Variants in GRID2 observed in about 807,000 individuals in gnomAD.
The protein encoded by GRID2 is glutamate receptor ionotropic, delta-2.
Under a neutral mutation model 114.8 loss-of-function variants are expected in GRID2, and 33 were observed. The ratio of observed to expected loss-of-function variants is 0.29; its 90% confidence interval spans 0.22 to 0.38. The LOEUF is 0.38. Among genes scored for constraint, GRID2 ranks in the 10% least tolerant of loss-of-function variants. GRID2 has a pLI of 1.00. For synonymous variants in GRID2, 505 were observed against 449.9 expected, an observed-to-expected ratio of 1.12 and a Z score of -1.55; for missense variants, 1,184 against 1,257.7, an observed-to-expected ratio of 0.94 and a Z score of 0.89.
chr4:93,009,593 A>T (rs898401194), intron 2 of GRID2, among the ~76,000 whole-genome samples: 2 of 151,994 alleles, frequency 1.3e-5, no homozygotes, highest in African/African-American at 4.8e-5. Context: ...TAAATCTCCT[A>T]TTTATTCTAA....
intron 2 of GRID2, among the ~76,000 whole-genome samples, chr4:92,609,681 A>G (rs1369230441): frequency 6.6e-6 from 1 of 151,186 alleles, no homozygotes; most frequent in Non-Finnish European, 1.5e-5. Flanking sequence ...TCGTGACCAC[A>G]TTAGTACCTT....
chr4:93,587,987 C>T (rs1445854254), intron 13 of GRID2, among the ~76,000 whole-genome samples: 6 of 152,166 alleles, frequency 3.9e-5, no homozygotes, highest in African/African-American at 1.4e-4. Context: ...GATAATAATC[C>T]TATATTAACC....
intron 2 of GRID2, among the ~76,000 whole-genome samples, chr4:92,903,947 G>A (rs934269983): frequency 1.3e-5 from 2 of 151,840 alleles, no homozygotes; most frequent in African/African-American, 4.8e-5. Context: ...GCTTATGACC[G>A]TTTATCTAAA....
intron 2 of GRID2, among the ~76,000 whole-genome samples, chr4:92,910,860 T>A (rs1319472366): frequency 1.3e-5 from 2 of 152,098 alleles, no homozygotes; most frequent in African/African-American, 2.4e-5. Flanking sequence ...ATTTAGGGAA[T>A]AATGACAAGA....
rs184763971 is a variant in GRID2, at chr4:93,309,151, G to A, written c.1245+70661G>A. Among the ~76,000 whole-genome samples the A allele has an allele frequency of 2.2e-3, 335 of 152,214 alleles. 3 individuals are homozygous for A. The highest frequency in any genetic ancestry group is 7.5e-3 in the African/African-American group (310 of 41,530). On this transcript the variant is annotated intron_variant, in intron 8 of 15. Transcript: ENST00000282020. The stretch of plus-strand genomic sequence containing the variant: ...ACATCAGACTGCAAGCTCCTTGAAG[G>A]CAAATATGTATTCCTTTAGGTTCAC...
intron 2 of GRID2, among the ~76,000 whole-genome samples, chr4:92,713,560 G>A (rs750676764): frequency 5.5e-4 from 75 of 135,318 alleles, no homozygotes; most frequent in Non-Finnish European, 1.0e-3. Context: ...TGCTGGATTA[G>A]TCTGTTTTCA....
At chr4:92,676,648 C>A (rs550256207) in intron 2 of GRID2, among the ~76,000 whole-genome samples, 4 of 151,946 alleles carry the variant, frequency 2.6e-5, no homozygotes, top group African/African-American at 9.7e-5. Context: ...TCCCCATATT[C>A]CCTACATATT....
intron 13 of GRID2, among the ~76,000 whole-genome samples, chr4:93,547,550 C>CT (rs1553951369): frequency 1.3e-5 from 2 of 152,104 alleles, no homozygotes; most frequent in Non-Finnish European, 2.9e-5. Flanking sequence ...ATAATTTACC[C>CT]TTTTTTGTGT....
At chr4:92,974,649 A>T (rs1331390970) in intron 2 of GRID2, among the ~76,000 whole-genome samples, 1 of 151,846 alleles carries the variant, frequency 6.6e-6, no homozygotes, top group Non-Finnish European at 1.5e-5. Context: ...ACACATGGAC[A>T]CAGGAAGGGA....
rs1052060920 is a variant in GRID2 at position 93,438,806 on chromosome 4, A to G, written c.1545+15838A>G. On this transcript the variant is annotated intron_variant, in intron 10 of 15. Coordinates refer to ENST00000282020, the MANE Select transcript of GRID2 (RefSeq NM_001510.4). ...ATTAACTTGTCATTTAGCATTAGGTATATCTCCTAATGCTATCCCTCCCCC... is the reference window on the plus strand; with the variant it reads ...ATTAACTTGTCATTTAGCATTAGGTGTATCTCCTAATGCTATCCCTCCCCC... Among the ~76,000 whole-genome samples, 29 of 151,960 alleles carry G rather than the reference A, an allele frequency of 1.9e-4. 1 individual carries two copies. The highest frequency in any genetic ancestry group is 5.2e-4 in the Admixed American group (8 of 15,258).
At chr4:93,338,791 G>A (rs1253699647) in intron 8 of GRID2, among the ~76,000 whole-genome samples, 3 of 152,032 alleles carry the variant, frequency 2.0e-5, no homozygotes, top group Non-Finnish European at 2.9e-5. Flanking sequence ...GCTCATTTAT[G>A]TTATTTTTTC....
At chr4:93,239,162 GAT>G in intron 8 of GRID2, among the ~76,000 whole-genome samples, 1 of 88,586 alleles carries the variant, frequency 1.1e-5, no homozygotes, top group Non-Finnish European at 2.3e-5. Flanking sequence ...TATAGCATTT[GAT>G]ATATATAATA....
intron 13 of GRID2, among the ~76,000 whole-genome samples, chr4:93,552,888 G>T (rs1733923812): frequency 6.7e-6 from 1 of 148,620 alleles, no homozygotes; most frequent in Non-Finnish European, 1.5e-5. Context: ...ATGGTGTTTG[G>T]TTTTCTGTCC....
chr4:92,369,846 T>TA (rs1357417247), intron 1 of GRID2, among the ~76,000 whole-genome samples: 1 of 152,182 alleles, frequency 6.6e-6, no homozygotes, highest in African/African-American at 2.4e-5. Context: ...ATTTACCAGT[T>TA]AAAAAACCTC....
chr4:93,042,637 ATATATTTCTATCTC>A (rs1390849739), intron 2 of GRID2, among the ~76,000 whole-genome samples: 10 of 144,790 alleles, frequency 6.9e-5, no homozygotes, highest in South Asian at 2.2e-4. Context: ...ATATATATAT[ATATATTTCTATCTC>A]TATATTTCTA....
intron 2 of GRID2, among the ~76,000 whole-genome samples, chr4:93,042,279 C>CTT (rs1410380741): frequency 5.3e-3 from 205 of 38,936 alleles, no homozygotes; most frequent in African/African-American, 0.014. Context: ...CTCTCTTTCT[C>CTT]TCTCTCTCTC....
At chr4:93,136,235 TG>T (rs1233573897) in intron 4 of GRID2, among the ~76,000 whole-genome samples, 1 of 7,294 alleles carries the variant, frequency 1.4e-4, no homozygotes, top group Non-Finnish European at 2.3e-4. Context: ...ACAGTTATTG[TG>T]TGTGTGTGTG....
intron 11 of GRID2, among the ~76,000 whole-genome samples, chr4:93,485,879 T>TGC (rs1726341496): frequency 1.3e-5 from 2 of 151,658 alleles, no homozygotes; most frequent in South Asian, 4.1e-4. Context: ...CATTTACTTG[T>TGC]GCACACACAC....
intron 1 of GRID2, among the ~76,000 whole-genome samples, chr4:92,544,105 G>A (rs924688287): frequency 3.9e-5 from 6 of 152,120 alleles, no homozygotes; most frequent in African/African-American, 4.8e-5. Context: ...GTGGCTGGCA[G>A]AATTCAGAGG....
Sources: allele counts gnomAD v4.1 joint callset (sites outside exome capture counted in the v4.1 genomes callset), GRCh38; gene constraint gnomAD v4.1.1; transcripts MANE v1.5; gene names NCBI Gene and HGNC (gene_info 2026-07-23, HGNC 2026-07-21).